COL6A5: variants seen among roughly 807,000 people sequenced by gnomAD.
COL6A5 encodes collagen type VI alpha 5 chain.
A neutral mutation model predicts 65.6 loss-of-function variants in COL6A5; 48 were observed. The ratio of observed to expected loss-of-function variants is 0.73; its 90% CI spans 0.58 to 0.93. The LOEUF is 0.93. Among genes scored for constraint, COL6A5 ranks in the 40% least tolerant of loss-of-function variants. The pLI, the probability that COL6A5 is intolerant of heterozygous loss-of-function variation, is 0.00. For synonymous variants in COL6A5, 291 were observed against 322.8 expected (o/e 0.90, Z 1.05); for missense variants, 914 against 928.3 (o/e 0.98, Z 0.20).
chr3:130,408,107 G>A (rs1329672479), intron 17 of COL6A5, among the ~76,000 whole-genome samples: 3 of 152,144 alleles, frequency 2.0e-5, no homozygotes, highest in South Asian at 2.1e-4. Context: ...GGATAACAGC[G>A]ATTTTCAGGG....
At chr3:130,409,295 C>T (rs748587086) in intron 17 of COL6A5, 31 bp from the exon 18 acceptor site, 31 of 1,522,438 alleles carry the variant, frequency 2.0e-5, no homozygotes, top group Middle Eastern at 1.7e-4. Context: ...CTCCTACAAG[C>T]TAACTCAGAA....
chr3:130,446,439 A>G (rs2107708434), intron 4 of COL6A5, among the ~76,000 whole-genome samples: 1 of 152,298 alleles, frequency 6.6e-6, no homozygotes, highest in Non-Finnish European at 1.5e-5. Flanking sequence ...TGAAGGAGGA[A>G]GAGAAGAACA....
chr3:130,470,324 CCTGTA>C (rs1421690035), intron 6 of COL6A5, among the ~76,000 whole-genome samples: 1 of 151,978 alleles, frequency 6.6e-6, no homozygotes, highest in Non-Finnish European at 1.5e-5. Context: ...CTCTGCAGCT[CCTGTA>C]AACTTACTAG....
intron 7 of COL6A5, among the ~76,000 whole-genome samples, chr3:130,482,704 C>T (rs1710281816): frequency 6.6e-6 from 1 of 151,934 alleles, no homozygotes; most frequent in East Asian, 1.9e-4. Flanking sequence ...ATTTATTTGT[C>T]TTCTCTCTTA....
exon 8 of COL6A5, chr3:130,484,812 A>G (rs988150393): frequency 5.0e-6 from 2 of 398,786 alleles, no homozygotes; most frequent in Non-Finnish European, 8.9e-6. Context: ...GTAGCAAGAG[A>G]TAATTTCTAA....
At chr3:130,401,642 C>T in intron 11 of COL6A5, 120 bp from the exon 12 acceptor site, 1 of 737,536 alleles carries the variant, frequency 1.4e-6, no homozygotes, top group Non-Finnish European at 2.3e-6. Context: ...TCTGCAGCCC[C>T]TCATCCAAAG....
intron 4 of COL6A5, among the ~76,000 whole-genome samples, chr3:130,384,596 C>T (rs958208028): frequency 1.3e-5 from 2 of 152,166 alleles, no homozygotes; most frequent in African/African-American, 4.8e-5. Flanking sequence ...CAAACCACTA[C>T]ATTTTGCCCT....
rs184049294 is a variant in COL6A5 at position 130,419,822 on chromosome 3, C to T, written c.4950+891C>T. Among the ~76,000 whole-genome samples, 12 of 152,058 alleles carry T rather than the reference C, an allele frequency of 7.9e-5. No individual in the cohort carries two copies. The East Asian group carries it at 2.1e-3, about 27-fold the overall frequency. ...TTCAATTAGAAAGAAGTAATAAGTT[C>T]AAGAGATCTATTGTATATCATGGTG... is the stretch of plus-strand genomic sequence containing the variant. On this transcript the variant is annotated intron_variant and NMD_transcript_variant, in intron 25 of 41. Coordinates refer to the COL6A5 transcript ENST00000312481.
chr3:130,348,024 A>C (rs901815584), intron 1 of COL6A5, among the ~76,000 whole-genome samples: 2 of 152,034 alleles, frequency 1.3e-5, no homozygotes, highest in Admixed American at 6.6e-5. Flanking sequence ...TACTTCCCTA[A>C]ATTCCTCTGG....
chr3:130,386,161 A>G (rs531816769), intron 5 of COL6A5, among the ~76,000 whole-genome samples: 1 of 152,200 alleles, frequency 6.6e-6, no homozygotes, highest in East Asian at 1.9e-4. Context: ...ACATTAGTTT[A>G]CTGGTAAAGA....
At chr3:130,446,214 T>C (rs116362467) in intron 4 of COL6A5, among the ~76,000 whole-genome samples, 2,938 of 152,202 alleles carry the variant, frequency 0.019, 78 homozygotes, top group African/African-American at 0.068. Flanking sequence ...GCAATGGTCA[T>C]CTCTTGCTCC....
At chr3:130,461,026 G>A (rs772958663) in intron 5 of COL6A5, among the ~76,000 whole-genome samples, 5 of 151,948 alleles carry the variant, frequency 3.3e-5, no homozygotes, top group African/African-American at 4.8e-5. Flanking sequence ...TTAAATTTTT[G>A]CATGGAGTTT....
chr3:130,377,824 A>G (rs1577445243), intron 3 of COL6A5, among the ~76,000 whole-genome samples: 1 of 152,328 alleles, frequency 6.6e-6, no homozygotes, highest in Middle Eastern at 3.4e-3. Context: ...ACTATTATTA[A>G]TAGTAACAAC....
intron 1 of COL6A5, among the ~76,000 whole-genome samples, chr3:130,361,724 A>G (rs1269979368): frequency 6.6e-6 from 1 of 152,102 alleles, no homozygotes; most frequent in Non-Finnish European, 1.5e-5. Flanking sequence ...ATTGTTTCAC[A>G]TTCTTGCCAG....
chr3:130,354,652 G>A (rs1934856793), intron 1 of COL6A5, among the ~76,000 whole-genome samples: 1 of 152,156 alleles, frequency 6.6e-6, no homozygotes, highest in African/African-American at 2.4e-5. Flanking sequence ...TCACTTCCTA[G>A]AAGTACTACT....
intron 24 of COL6A5, 68 bp from the exon 25 acceptor site, chr3:130,418,801 A>G: frequency 7.8e-7 from 1 of 1,274,598 alleles, no homozygotes; most frequent in Non-Finnish European, 1.1e-6. Flanking sequence ...TCGAGTGGAC[A>G]GAACTTACCG....
upstream of COL6A5, among the ~76,000 whole-genome samples, chr3:130,430,515 AT>A (rs565835027): frequency 5.3e-5 from 8 of 152,128 alleles, no homozygotes; most frequent in Non-Finnish European, 8.8e-5. Context: ...AAGAAAAATC[AT>A]TTTTCTCTTC....
rs1445613054 is a variant in COL6A5, at chr3:130,359,622, A to G, written c.-29+13641A>G. 3.9e-5 allele frequency among the ~76,000 whole-genome samples: 6 copies of G among 152,224 alleles called. No individual in the cohort carries two copies. In the East Asian group the frequency reaches 1.2e-3, roughly 29 times the overall value. The stretch of plus-strand genomic sequence containing the variant: ...TATAAAGCAAAAGTGTATAGGACCT[A>G]CAGCAAAAATAATTTTTTAATTCAT... On this transcript the variant is annotated intron_variant and NMD_transcript_variant, in intron 1 of 41. Transcript: ENST00000312481.
chr3:130,416,451 A>G (rs2107679789), intron 23 of COL6A5, among the ~76,000 whole-genome samples: 1 of 152,260 alleles, frequency 6.6e-6, no homozygotes, highest in East Asian at 1.9e-4. Flanking sequence ...GTGCATTATG[A>G]CAATTTTCCC....
Sources: gnomAD v4.1 joint callset for allele counts (sites outside exome capture counted in the v4.1 genomes callset) on GRCh38, gnomAD v4.1.1 for gene constraint, MANE v1.5 for transcripts, NCBI Gene and HGNC (gene_info 2026-07-23, HGNC 2026-07-21) for gene names.